The following CDH23 variants were observed in gnomAD, a reference collection of about 807,000 sequenced individuals.
CDH23 encodes cadherin-23.
A neutral mutation model predicts 317.1 loss-of-function variants in CDH23; 189 were observed. That is an observed-to-expected ratio of 0.60 (90% CI 0.53 to 0.67). The LOEUF (loss-of-function observed/expected upper bound fraction) is 0.67. Ranked by LOEUF, CDH23 falls within the 30% of genes least tolerant of loss-of-function variation. The probability of loss-of-function intolerance (pLI) is 0.00; values close to 1 mark genes in which losing one functional copy is unlikely to be tolerated. For missense variants in CDH23, 4,401 were observed against 4,592.4 expected, an observed-to-expected ratio of 0.96 and a Z score of 1.20; for synonymous variants, 1,839 against 1,876.8, an observed-to-expected ratio of 0.98 and a Z score of 0.52.
chr10:71,737,204 G>A (rs978749026), intron 34 of CDH23, among the ~76,000 whole-genome samples: 3 of 152,226 alleles, frequency 2.0e-5, no homozygotes, highest in African/African-American at 7.2e-5. Context: ...CAGATGGGTA[G>A]AGTCTTGGCA....
intron 32 of CDH23, among the ~76,000 whole-genome samples, 166 bp from the exon 33 acceptor site, chr10:71,734,074 G>A (rs1435047328): frequency 6.6e-6 from 1 of 152,230 alleles, no homozygotes; most frequent in Non-Finnish European, 1.5e-5. Context: ...GGAAGAGGTG[G>A]CTTCCCAGTG....
intron 14 of CDH23, among the ~76,000 whole-genome samples, chr10:71,657,899 G>A (rs923808168): frequency 4.6e-5 from 7 of 150,758 alleles, no homozygotes; most frequent in African/African-American, 1.5e-4. Flanking sequence ...GGAAGAGGGA[G>A]GCTAAATAGA....
intron 30 of CDH23, 76 bp from the exon 31 acceptor site, chr10:71,730,393 G>A (rs1364817005): frequency 1.9e-6 from 3 of 1,553,504 alleles, no homozygotes; most frequent in Non-Finnish European, 2.6e-6. Context: ...ACACAAGGCG[G>A]CCACAGTGGG....
At chr10:71,642,380 G>A (rs1862591253) in intron 11 of CDH23, among the ~76,000 whole-genome samples, 1 of 149,314 alleles carries the variant, frequency 6.7e-6, no homozygotes, top group Non-Finnish European at 1.5e-5. Context: ...TGGCCCAGAA[G>A]CTGGCCCGGC....
rs746650043 is a variant in CDH23 at position 71,790,391 on chromosome 10, C to A, written c.6027C>A (p.Leu2009=). Residue 2009 remains leucine (L), a synonymous_variant, in exon 46 of 70, where the codon CTC becomes CTA. Coordinates refer to ENST00000224721, the MANE Select transcript of CDH23 (RefSeq NM_022124.6). The part of the protein sequence containing the change: ...TYQLLGAQSG[L]FDINSSTGVV... The stretch of plus-strand genomic sequence containing the variant: ...AGCTGCTGGGTGCCCAGAGTGGCCT[C>A]TTTGACATCAACAGCAGCACCGGTG... 8 of 1,613,336 alleles carry A rather than the reference C, an allele frequency of 5.0e-6. No individual in the cohort carries two copies. In the African/African-American group the frequency reaches 9.3e-5, roughly 19 times the overall value.
chr10:71,737,167 C>T (rs1027253150), intron 34 of CDH23, among the ~76,000 whole-genome samples: 1 of 152,166 alleles, frequency 6.6e-6, no homozygotes, highest in Non-Finnish European at 1.5e-5. Context: ...TCAGGGACCT[C>T]AGGGAACTCC....
Position 71,734,334 on chromosome 10 carries a change from C to T in CDH23, c.4199C>T (p.Ser1400Phe). Residue 1400 changes from serine (S) to phenylalanine (F), a missense_variant, in exon 33 of 70, where the codon TCC becomes TTC. Transcript: ENST00000224721. ...GATGACGGCGGCCCCAAGGTGGACT[C>T]CACCGTGGTGAGTGGGACCAGGGTG... ...VADDGGPKVDSTVKVYITVLD... is the reference protein window; with the variant it reads ...VADDGGPKVDFTVKVYITVLD... The T allele has an allele frequency of 6.2e-7, 1 of 1,607,812 alleles. No homozygotes were observed. The highest frequency in any genetic ancestry group is 8.5e-7 in the Non-Finnish European group (1 of 1,177,152).
chr10:71,420,889 G>A (rs1374401439), intron 1 of CDH23, among the ~76,000 whole-genome samples: 2 of 151,986 alleles, frequency 1.3e-5, no homozygotes, highest in Admixed American at 6.6e-5. Context: ...ACCCCCCGTC[G>A]CCTGGCTATA....
At chr10:71,556,021 C>T (rs750471870) in intron 6 of CDH23, among the ~76,000 whole-genome samples, 1 of 152,094 alleles carries the variant, frequency 6.6e-6, no homozygotes, top group Non-Finnish European at 1.5e-5. Flanking sequence ...GGGGAAATAT[C>T]CAAAGGAAGG....
intron 6 of CDH23, among the ~76,000 whole-genome samples, chr10:71,543,568 AGAGG>A (rs1235742432): frequency 3.3e-5 from 5 of 152,260 alleles, no homozygotes; most frequent in Non-Finnish European, 5.9e-5. Context: ...GTGCAAGCTA[AGAGG>A]GAGGAAGTCA....
In CDH23 at chr10:71,761,888, C is replaced by T. The variant is rs1397974862; in HGVS notation, c.4846-15792C>T. 8.1e-6 allele frequency: 13 copies of T among 1,614,008 alleles called. 1 individual carries two copies. The highest frequency in any genetic ancestry group is 2.2e-5 in the East Asian group (1 of 44,892). On this transcript the variant is annotated intron_variant, in intron 38 of 69. Transcript: ENST00000224721. ...GGTCTGCACCTCGCCCCTCGAGCTG[C>T]GGTACCACGTCTTGTAGAAGGTCAC... is the stretch of plus-strand genomic sequence containing the variant.
At chr10:71,709,077 C>G in intron 26 of CDH23, 21 bp from the exon 27 acceptor site, 1 of 1,610,314 alleles carries the variant, frequency 6.2e-7, no homozygotes, top group Non-Finnish European at 8.5e-7. Context: ...CAGCCGGAAG[C>G]TTCCTCTCCT....
chr10:71,548,675 A>C (rs1856422103), intron 6 of CDH23, among the ~76,000 whole-genome samples: 3 of 152,248 alleles, frequency 2.0e-5, no homozygotes, highest in Admixed American at 2.0e-4. Flanking sequence ...TACAGTCCTC[A>C]GGGTAGTACT....
chr10:71,438,819 G>A (rs1849739961), intron 1 of CDH23, among the ~76,000 whole-genome samples: 1 of 152,184 alleles, frequency 6.6e-6, no homozygotes, highest in South Asian at 2.1e-4. Context: ...TGTGAGCCAG[G>A]GAGATGAACA....
chr10:71,637,277 G>A (rs953484122), intron 11 of CDH23, among the ~76,000 whole-genome samples: 7 of 152,110 alleles, frequency 4.6e-5, no homozygotes, highest in African/African-American at 1.2e-4. Context: ...GGTGGGTCCC[G>A]TCACCCAAGC....
intron 19 of CDH23, among the ~76,000 whole-genome samples, chr10:71,688,705 G>T (rs1475961465): frequency 1.7e-5 from 2 of 117,038 alleles, no homozygotes; most frequent in Admixed American, 8.2e-5. Context: ...GTGGAGCCAG[G>T]GGTGGTGGAG....
At chr10:71,789,158 G>A in intron 45 of CDH23, 116 bp downstream of exon 45, 1 of 622,108 alleles carries the variant, frequency 1.6e-6, no homozygotes, top group Admixed American at 2.7e-5. Flanking sequence ...CCCAGTGGGT[G>A]CGGGAGGGGA....
chr10:71,681,819 G>A (rs1207058135), intron 17 of CDH23, among the ~76,000 whole-genome samples: 1 of 152,202 alleles, frequency 6.6e-6, no homozygotes, highest in Non-Finnish European at 1.5e-5. Context: ...AGGGAGGGAA[G>A]AAGATTAGAG....
chr10:71,464,241 G>A (rs934051019), intron 3 of CDH23, among the ~76,000 whole-genome samples: 1 of 152,162 alleles, frequency 6.6e-6, no homozygotes, highest in Non-Finnish European at 1.5e-5. Context: ...CACCTATAAG[G>A]TGCCAGGTGC....
Sources: gnomAD v4.1 joint callset for allele counts (sites outside exome capture counted in the v4.1 genomes callset) on GRCh38, gnomAD v4.1.1 for gene constraint, MANE v1.5 for transcripts, NCBI Gene and HGNC (gene_info 2026-07-23, HGNC 2026-07-21) for gene names.